Variants in CLUAP1 observed in about 807,000 individuals in gnomAD.
CLUAP1 encodes the protein intraflagellar transport 38.
CLUAP1 carries 50 observed loss-of-function variants against 55.0 expected under a neutral mutation model. That is an observed-to-expected ratio of 0.91 (90% CI 0.72 to 1.15). CLUAP1 has a LOEUF of 1.15. CLUAP1 is among the 50% of genes most tolerant of loss of function. CLUAP1 has a pLI of 0.00. For missense variants in CLUAP1, 530 were observed against 507.6 expected (o/e 1.04, Z -0.42); for synonymous variants, 195 against 175.4 (o/e 1.11, Z -0.88).
chr16:3,508,413 G>A lies in CLUAP1; in HGVS notation c.344G>A (p.Gly115Asp), dbSNP rs1425365538. The A allele has an allele frequency of 1.3e-6, 2 of 1,592,722 alleles. No individual in the cohort carries two copies. Among genetic ancestry groups the A allele is most frequent in the South Asian group, 1.2e-5 (1 of 85,704 alleles). ...YNAMKTKGME[G>D]SEIVEEDVNK... The stretch of plus-strand genomic sequence containing the variant: ...GCTATGAAGACCAAGGGGATGGAGG[G>A]CTCTGAAATAGTAGAGGAAGATGTC... The change falls in exon 4 of 12, where the codon GGC (glycine) becomes GAC (aspartate). Residue 115 changes from glycine (G) to aspartate (D), a missense_variant. Transcript: ENST00000576634.
intron 8 of CLUAP1, among the ~76,000 whole-genome samples, chr16:3,523,587 G>A (rs953870214): frequency 3.3e-5 from 5 of 152,180 alleles, no homozygotes; most frequent in African/African-American, 1.2e-4. Flanking sequence ...TGCCGACATG[G>A]GGCCTGTGCT....
intron 6 of CLUAP1, among the ~76,000 whole-genome samples, chr16:3,518,686 C>G (rs889175748): frequency 2.6e-5 from 4 of 152,202 alleles, no homozygotes; most frequent in Non-Finnish European, 5.9e-5. Flanking sequence ...GGCTCTAAGG[C>G]ACTTGCAGCA....
rs145003360 is a variant in CLUAP1, at chr16:3,536,154, A to G, written c.1125A>G (p.Glu375=). The change falls in exon 12 of 12, where the codon GAA becomes GAG. Residue 375 remains glutamate, a synonymous_variant. Transcript: ENST00000576634. The part of the protein sequence containing the change: ...EDSEESEIDM[E]DDDDEDDDLE... ...CGGAGGAGAGTGAAATTGACATGGA[A>G]GATGATGATGACGAGGATGACGATT... The G allele has an allele frequency of 4.3e-6, 7 of 1,614,206 alleles. No homozygotes were observed. The South Asian group carries it at 4.4e-5, about 10-fold the overall frequency.
In CLUAP1 at chr16:3,505,541, C is replaced by T. The variant is rs528648034; in HGVS notation, c.134+710C>T. Among the ~76,000 whole-genome samples the T allele has an allele frequency of 6.1e-5, 8 of 130,888 alleles. No homozygotes were observed. In the East Asian group the frequency reaches 1.5e-3, roughly 25 times the overall value. 85.9% of individuals were successfully genotyped at this position (130,888 alleles called of 152,430 possible). On this transcript the variant is annotated intron_variant, in intron 2 of 11. Transcript: ENST00000576634. ...CAGCCTGGGTGAAAGAGCGAGACTC[C>T]GTCTCAAAAAAAAAAAAAAAAAAAA... is the stretch of plus-strand genomic sequence containing the variant.
chr16:3,532,396 A>G (rs1567442489), intron 10 of CLUAP1, among the ~76,000 whole-genome samples: 2 of 136,320 alleles, frequency 1.5e-5, no homozygotes, highest in Non-Finnish European at 3.1e-5. Flanking sequence ...TGTTTGGAGC[A>G]CAGTTGCTTT....
intron 6 of CLUAP1, among the ~76,000 whole-genome samples, chr16:3,518,792 T>TA (rs1283905746): frequency 2.6e-5 from 4 of 152,168 alleles, no homozygotes; most frequent in African/African-American, 9.7e-5. Flanking sequence ...GCATTGTCAG[T>TA]AACAGTGGCT....
At chr16:3,496,139 T>C, upstream of CLUAP1, 1 of 382,856 alleles carries the variant, frequency 2.6e-6, no homozygotes, top group Non-Finnish European at 4.9e-6. Context: ...AGACTCCGTC[T>C]CAAAAAAAAA....
At chr16:3,515,480 A>T in intron 5 of CLUAP1, 28 bp from the exon 6 acceptor site, 2 of 1,511,702 alleles carry the variant, frequency 1.3e-6, no homozygotes, top group Non-Finnish European at 1.8e-6. Flanking sequence ...TTCTGAAAAT[A>T]TACGTAAATG....
intron 1 of CLUAP1, among the ~76,000 whole-genome samples, chr16:3,502,923 T>C (rs982744771): frequency 1.3e-5 from 2 of 152,210 alleles, no homozygotes; most frequent in African/African-American, 4.8e-5. Flanking sequence ...ACTTGACTAG[T>C]ACCTAGTGGT....
chr16:3,513,689 A>G (rs1402609572), intron 5 of CLUAP1, among the ~76,000 whole-genome samples: 1 of 152,126 alleles, frequency 6.6e-6, no homozygotes, highest in Non-Finnish European at 1.5e-5. Context: ...ATCTCAAGTG[A>G]TTCGCCTTCC....
At chr16:3,520,322 T>TGG (rs2151057600) in intron 7 of CLUAP1, among the ~76,000 whole-genome samples, 1 of 152,046 alleles carries the variant, frequency 6.6e-6, no homozygotes, top group East Asian at 1.9e-4. Flanking sequence ...CAGTGAGCTA[T>TGG]GGTTGCATCA....
At chr16:3,529,477 A>T (rs2038020550) in intron 9 of CLUAP1, among the ~76,000 whole-genome samples, 1 of 84,462 alleles carries the variant, frequency 1.2e-5, no homozygotes, top group African/African-American at 4.7e-5. Context: ...ATATTATATT[A>T]TATATTATAT....
upstream of CLUAP1, among the ~76,000 whole-genome samples, chr16:3,498,450 A>G (rs2037335780): frequency 1.3e-5 from 2 of 152,166 alleles, no homozygotes; most frequent in South Asian, 4.1e-4. Flanking sequence ...CTAATCCTAA[A>G]ATTCATGTGA....
chr16:3,531,249 G>T (rs2038110960), intron 10 of CLUAP1, among the ~76,000 whole-genome samples: 1 of 152,146 alleles, frequency 6.6e-6, no homozygotes, highest in African/African-American at 2.4e-5. Flanking sequence ...AGCCAGGCGC[G>T]GTGGCTCACG....
intron 3 of CLUAP1, among the ~76,000 whole-genome samples, chr16:3,507,030 A>T (rs2037520188): frequency 6.6e-6 from 1 of 151,716 alleles, no homozygotes; most frequent in Non-Finnish European, 1.5e-5. Context: ...CCCCGTCTCC[A>T]GTAAAAATAC....
At chr16:3,527,491 G>A (rs113091220) in intron 9 of CLUAP1, among the ~76,000 whole-genome samples, 312 of 152,192 alleles carry the variant, frequency 2.1e-3, no homozygotes, top group African/African-American at 6.9e-3. Flanking sequence ...TAGTGGTAGC[G>A]TCAGTGTCAA....
chr16:3,502,511 A>AAG (rs144641813), intron 1 of CLUAP1, among the ~76,000 whole-genome samples: 7,194 of 151,994 alleles, frequency 0.047, 302 homozygotes, highest in African/African-American at 0.11. Context: ...GGGTCTCTTA[A>AAG]AGCCAGTTTT....
intron 8 of CLUAP1, among the ~76,000 whole-genome samples, chr16:3,524,870 C>T (rs79384615): frequency 3.5e-3 from 526 of 152,256 alleles, no homozygotes; most frequent in Non-Finnish European, 6.0e-3. Flanking sequence ...AAGTTGTGAT[C>T]AGTTTTTGAA....
intron 5 of CLUAP1, among the ~76,000 whole-genome samples, chr16:3,515,178 A>G (rs1457366039): frequency 6.6e-6 from 1 of 151,628 alleles, no homozygotes; most frequent in African/African-American, 2.4e-5. Context: ...CAACATAGTG[A>G]GACCCTATCT....
Sources: gnomAD v4.1 joint callset for allele counts (sites outside exome capture counted in the v4.1 genomes callset) on GRCh38, gnomAD v4.1.1 for gene constraint, MANE v1.5 for transcripts, NCBI Gene and HGNC (gene_info 2026-07-23, HGNC 2026-07-21) for gene names.